ATL2: variants seen among roughly 807,000 people sequenced by gnomAD.
ATL2 encodes the protein atlastin GTPase 2, also known as atlastin-2.
A neutral mutation model predicts 73.9 loss-of-function variants in ATL2; 31 were observed. The ratio of observed to expected loss-of-function variants is 0.42; its 90% CI spans 0.32 to 0.57. The LOEUF is 0.57. Ranked by LOEUF, ATL2 falls within the 20% of genes least tolerant of loss-of-function variation. The probability of loss-of-function intolerance (pLI) is 0.14; values close to 1 mark genes in which losing one functional copy is unlikely to be tolerated. For missense variants in ATL2, 738 were observed against 702.6 expected, an observed-to-expected ratio of 1.05 and a Z score of -0.57; for synonymous variants, 291 against 237.5, an observed-to-expected ratio of 1.23 and a Z score of -2.07.
rs778319950 is a variant in ATL2, at chr2:38,309,367, G to C, written c.1071+12C>G. On this transcript the variant is annotated intron_variant, in intron 9 of 12. Transcript: ENST00000378954. ...TTCTATCTTAGACAAAACTGTTTAA[G>C]AGCTCACCTACCTTAAAATATTCTA... The C allele has an allele frequency of 2.5e-6, 4 of 1,595,742 alleles. No individual in the cohort carries two copies. The East Asian group carries it at 9.0e-5, about 36-fold the overall frequency.
intron 2 of ATL2, among the ~76,000 whole-genome samples, chr2:38,338,249 T>A (rs1669487065): frequency 6.6e-6 from 1 of 152,044 alleles, no homozygotes; most frequent in Admixed American, 6.6e-5. Flanking sequence ...AAGTAGAAGC[T>A]AAACAAGGGT....
At chr2:38,347,230 C>T (rs1670075758) in intron 1 of ATL2, among the ~76,000 whole-genome samples, 1 of 152,206 alleles carries the variant, frequency 6.6e-6, no homozygotes. Flanking sequence ...GCCTCCTCTC[C>T]ATAGCAGAGG....
chr2:38,320,302 A>G (rs548602263), intron 2 of ATL2, among the ~76,000 whole-genome samples: 2 of 152,124 alleles, frequency 1.3e-5, no homozygotes, highest in East Asian at 1.9e-4. Flanking sequence ...TGTGGTTAGG[A>G]AAAAAAAGAG....
At chr2:38,311,787 T>G (rs1416901534) in intron 7 of ATL2, among the ~76,000 whole-genome samples, 1 of 152,234 alleles carries the variant, frequency 6.6e-6, no homozygotes, top group Non-Finnish European at 1.5e-5. Context: ...TTTGAGCAAT[T>G]TTCTGAATAT....
intron 2 of ATL2, among the ~76,000 whole-genome samples, chr2:38,331,612 C>CAAAAAAAAAAAAAAAAAAAAAAAAA (rs35381890): frequency 1.1e-5 from 1 of 92,148 alleles, no homozygotes. Flanking sequence ...GACTCCATCT[C>CAAAAAAAAAAAAAAAAAAAAAAAAA]AAAAAAAAAA....
chr2:38,354,834 G>C lies in ATL2; in HGVS notation c.119-11322C>G, dbSNP rs185347506. On this transcript the variant is annotated intron_variant, in intron 1 of 12. Transcript: ENST00000378954. ...TAACCCAGGAGGCGGAGGTTGCAGT[G>C]AGCCGAGATTGTGCCATTGCACTCC... Among the ~76,000 whole-genome samples, 9 of 152,132 alleles carry C rather than the reference G, an allele frequency of 5.9e-5. No individual in the cohort carries two copies. The South Asian group carries it at 1.5e-3, about 25-fold the overall frequency.
At chr2:38,312,830 C>T (rs1424604834) in intron 7 of ATL2, among the ~76,000 whole-genome samples, 1 of 152,074 alleles carries the variant, frequency 6.6e-6, no homozygotes, top group Non-Finnish European at 1.5e-5. Flanking sequence ...TCAATTAAAC[C>T]TCTTTTCTTC....
At chr2:38,305,614 A>C (rs1476284499) in intron 9 of ATL2, among the ~76,000 whole-genome samples, 3 of 152,200 alleles carry the variant, frequency 2.0e-5, no homozygotes, top group Non-Finnish European at 4.4e-5. Flanking sequence ...GAATAAAATC[A>C]ATAACGAGGA....
intron 7 of ATL2, among the ~76,000 whole-genome samples, chr2:38,312,544 G>A (rs566145089): frequency 3.4e-4 from 52 of 151,948 alleles, no homozygotes; most frequent in Admixed American, 9.8e-4. Context: ...CCCCGTCTCT[G>A]CTAAAAAATA....
chr2:38,359,040 G>T (rs1341946754), intron 1 of ATL2, among the ~76,000 whole-genome samples: 1 of 152,096 alleles, frequency 6.6e-6, no homozygotes, highest in African/African-American at 2.4e-5. Flanking sequence ...GAACTACAAT[G>T]CAAATTACAA....
chr2:38,351,104 A>T (rs934012379), intron 1 of ATL2, among the ~76,000 whole-genome samples: 2 of 152,248 alleles, frequency 1.3e-5, no homozygotes, highest in African/African-American at 4.8e-5. Flanking sequence ...AACTTGAAAC[A>T]AATTTTCATG....
intron 2 of ATL2, among the ~76,000 whole-genome samples, chr2:38,327,774 C>T (rs1023836650): frequency 8.6e-5 from 13 of 151,958 alleles, no homozygotes; most frequent in Non-Finnish European, 1.9e-4. Context: ...CGTCTCTATT[C>T]AAAATACAAA....
chr2:38,324,193 G>A (rs982825241), intron 2 of ATL2, among the ~76,000 whole-genome samples: 1 of 152,156 alleles, frequency 6.6e-6, no homozygotes, highest in Non-Finnish European at 1.5e-5. Flanking sequence ...CAGGAAAATC[G>A]CTTGAACCCG....
At chr2:38,331,020 T>C (rs1668955642) in intron 2 of ATL2, among the ~76,000 whole-genome samples, 1 of 152,116 alleles carries the variant, frequency 6.6e-6, no homozygotes, top group African/African-American at 2.4e-5. Flanking sequence ...GAACAAGACA[T>C]GGCCGGGCGT....
At chr2:38,355,798 C>T (rs1670627336) in intron 1 of ATL2, among the ~76,000 whole-genome samples, 1 of 150,708 alleles carries the variant, frequency 6.6e-6, no homozygotes, top group Non-Finnish European at 1.5e-5. Flanking sequence ...CTTGCAGGTA[C>T]AAGCAATTCT....
At chr2:38,339,715 A>C (rs1669591483) in intron 2 of ATL2, among the ~76,000 whole-genome samples, 1 of 152,110 alleles carries the variant, frequency 6.6e-6, no homozygotes, top group African/African-American at 2.4e-5. Context: ...TTTGAGACAG[A>C]GTTTTTCTCT....
chr2:38,348,566 T>C (rs988799304), intron 1 of ATL2, among the ~76,000 whole-genome samples: 12 of 151,910 alleles, frequency 7.9e-5, no homozygotes, highest in Non-Finnish European at 8.8e-5. Flanking sequence ...AGGTTGGTGA[T>C]TTTGCTAAAA....
chr2:38,326,855 G>A (rs933096710), intron 2 of ATL2, among the ~76,000 whole-genome samples: 9 of 152,038 alleles, frequency 5.9e-5, no homozygotes, highest in African/African-American at 2.2e-4. Context: ...AGGCGTGGTG[G>A]CACACACCTG....
intron 2 of ATL2, among the ~76,000 whole-genome samples, chr2:38,327,693 T>G (rs1255204506): frequency 1.3e-5 from 2 of 152,160 alleles, no homozygotes; most frequent in Admixed American, 1.3e-4. Flanking sequence ...CCCAGCACTT[T>G]GGGAGGCAGA....
Sources: allele counts gnomAD v4.1 joint callset (sites outside exome capture counted in the v4.1 genomes callset), GRCh38; gene constraint gnomAD v4.1.1; transcripts MANE v1.5; gene names NCBI Gene and HGNC (gene_info 2026-07-23, HGNC 2026-07-21).